Variants in CUX1 observed in about 807,000 individuals in gnomAD.
CUX1 encodes the protein cut like homeobox 1.
A neutral mutation model predicts 158.8 loss-of-function variants in CUX1; 31 were observed. The observed-to-expected ratio is 0.20, with a 90% CI of 0.15 to 0.26. The LOEUF is 0.26. CUX1 is among the 10% of genes least tolerant of loss of function. The pLI, the probability that CUX1 is intolerant of heterozygous loss-of-function variation, is 1.00. For synonymous variants in CUX1, 879 were observed against 862.1 expected, an observed-to-expected ratio of 1.02 and a Z score of -0.34; for missense variants, 1,589 against 2,014.6, an observed-to-expected ratio of 0.79 and a Z score of 4.04.
rs145280864 is a variant in CUX1 at position 101,900,868 on chromosome 7, G to A, written c.31-15247G>A. Among the ~76,000 whole-genome samples the A allele has an allele frequency of 2.0e-3, 300 of 152,244 alleles. 2 individuals are homozygous for A. The highest frequency in any genetic ancestry group is 7.1e-3 in the African/African-American group (293 of 41,542). On this transcript the variant is annotated intron_variant, in intron 1 of 23. Transcript: ENST00000292535. The stretch of plus-strand genomic sequence containing the variant: ...TTCTCTTAGGCACCACCTCCCATCC[G>A]AACCCCAGAGCATATGGGAAAAGGA...
At chr7:102,132,773 G>C (rs1554497751) in intron 8 of CUX1, among the ~76,000 whole-genome samples, 2 of 141,382 alleles carry the variant, frequency 1.4e-5, no homozygotes, top group Non-Finnish European at 3.0e-5. Flanking sequence ...CCAGGTTCAA[G>C]CGATTCTCCT....
intron 5 of CUX1, among the ~76,000 whole-genome samples, chr7:102,102,217 C>T (rs1554486686): frequency 1.3e-5 from 2 of 148,688 alleles, no homozygotes; most frequent in African/African-American, 5.1e-5. Flanking sequence ...ACGGAAAGCA[C>T]TCTGGGACAC....
rs782162970 is a variant in CUX1 at position 102,201,388 on chromosome 7, C to G, written c.2091C>G (p.Ser697=). 2 of 1,613,848 alleles carry G rather than the reference C, an allele frequency of 1.2e-6. No individual in the cohort carries two copies. The highest frequency in any genetic ancestry group is 1.3e-5 in the African/African-American group (1 of 75,048). The change falls in exon 18 of 24, where the codon TCC becomes TCG. Residue 697 remains serine, a synonymous_variant. Transcript: ENST00000292535. The surrounding 1 kb of genome is among the most constrained non-coding windows in gnomAD (Gnocchi z 5.0). ...AGCCGGCCCAGCCTTCCTCCGCATCCGGCAGCGGGAACTCTGATGACGCCA... is the reference window on the plus strand; with the variant it reads ...AGCCGGCCCAGCCTTCCTCCGCATCGGGCAGCGGGAACTCTGATGACGCCA... ...TAEPAQPSSA[S]GSGNSDDAIR...
chr7:102,027,160 G>A (rs913338141), intron 2 of CUX1, among the ~76,000 whole-genome samples: 5 of 151,642 alleles, frequency 3.3e-5, no homozygotes, highest in South Asian at 2.1e-4. Context: ...GAAGGTGGGC[G>A]GATCACCTGA....
chr7:101,928,104 A>G (rs1805828967), intron 2 of CUX1, among the ~76,000 whole-genome samples: 1 of 152,204 alleles, frequency 6.6e-6, no homozygotes, highest in African/African-American at 2.4e-5. Flanking sequence ...ATAACTGTCA[A>G]AAGGGAAGCA....
rs1475046722 is a variant in CUX1 at position 102,255,548 on chromosome 7, GTC to G, written c.*6508_*6509del. On this transcript the variant is annotated 3_prime_UTR_variant, in exon 24 of 24. Coordinates refer to ENST00000292535, the MANE Select transcript of CUX1 (RefSeq NM_181552.4). ...ACCCGATAATGTTAAGAAAGCATTA[GTC>G]TACGTTACTGTAATTTCTGTAGTGT... 7 of 985,268 alleles carry G rather than the reference GTC, an allele frequency of 7.1e-6. No homozygotes were observed. The Admixed American group carries it at 2.5e-4, about 35-fold the overall frequency. 61.0% of individuals were successfully genotyped at this position (985,268 alleles called of 1,614,324 possible). A position where few individuals can be genotyped will look rare whatever the true frequency, so the allele number is the denominator to read the frequency against.
intron 15 of CUX1, chr7:102,274,153 C>T (rs1791425472): frequency 1.5e-6 from 2 of 1,319,876 alleles, no homozygotes; most frequent in African/African-American, 1.4e-5. Context: ...CTTGCCACAC[C>T]CACCCTGCCA....
intron 8 of CUX1, among the ~76,000 whole-genome samples, chr7:102,134,659 G>A (rs1380613600): frequency 1.2e-4 from 18 of 152,254 alleles, no homozygotes; most frequent in African/African-American, 2.9e-4. Flanking sequence ...ATGCAGTGGC[G>A]CAATCACGAC....
At chr7:102,180,433 T>C (rs1792909303) in intron 11 of CUX1, among the ~76,000 whole-genome samples, 1 of 148,990 alleles carries the variant, frequency 6.7e-6, no homozygotes, top group African/African-American at 2.5e-5. Flanking sequence ...TCTCCTTGCC[T>C]CAGCCTCCCA....
chr7:102,224,407 A>G (rs1184952041), intron 20 of CUX1, among the ~76,000 whole-genome samples: 1 of 152,034 alleles, frequency 6.6e-6, no homozygotes, highest in Non-Finnish European at 1.5e-5. Context: ...GGGTTTCACC[A>G]CGTTGGCCAG....
At chr7:102,082,028 A>G (rs1242565244) in intron 4 of CUX1, among the ~76,000 whole-genome samples, 5 of 146,658 alleles carry the variant, frequency 3.4e-5, no homozygotes, top group African/African-American at 1.2e-4. Flanking sequence ...CCAGGCTGTC[A>G]GTAAGTCCTA....
intron 15 of CUX1, among the ~76,000 whole-genome samples, 160 bp downstream of exon 15, chr7:102,197,465 GC>G (rs1304677600): frequency 2.6e-5 from 4 of 152,226 alleles, no homozygotes; most frequent in African/African-American, 9.6e-5. Context: ...CTCAAGGGTG[GC>G]CCGGCATGAG....
Position 101,873,151 on chromosome 7 carries a change from G to A in CUX1, c.31-42964G>A, listed in dbSNP as rs189742716. Among the ~76,000 whole-genome samples, 101 of 149,508 alleles carry A rather than the reference G, an allele frequency of 6.8e-4. No homozygotes were observed. The East Asian group carries it at 0.015, about 22-fold the overall frequency. On this transcript the variant is annotated intron_variant, in intron 1 of 23. Transcript: ENST00000292535. ...CTCCCAAAGTGCTAGGATTACAGGC[G>A]TGAGCCACCGCGCCTGGCCTCAGCT...
At position 102,254,644 on chromosome 7, in the gene CUX1, G is replaced by A. The variant is rs73712443; in HGVS notation, c.*5602G>A. The A allele has an allele frequency of 2.0e-6, 2 of 985,466 alleles. No homozygotes were observed. Among genetic ancestry groups the A allele is most frequent in the African/African-American group, 3.5e-5 (2 of 57,366 alleles). The allele number at this position is 985,466 out of a possible 1,614,324, so 61.0% of individuals were successfully genotyped here. ...GCATCCTGTGCTTGGGCATTGACCA[G>A]CCAAAGCTCACATTTAGAAAGCCCT... On this transcript the variant is annotated 3_prime_UTR_variant, in exon 24 of 24. Coordinates refer to ENST00000292535, the MANE Select transcript of CUX1 (RefSeq NM_181552.4).
intron 1 of CUX1, among the ~76,000 whole-genome samples, chr7:101,873,636 T>G (rs1798820420): frequency 6.6e-6 from 1 of 152,144 alleles, no homozygotes; most frequent in South Asian, 2.1e-4. Flanking sequence ...TGAGACAGAG[T>G]GCAGTGGCAC....
intron 8 of CUX1, among the ~76,000 whole-genome samples, chr7:102,122,396 T>C (rs1239718612): frequency 1.7e-4 from 26 of 152,164 alleles, no homozygotes; most frequent in Non-Finnish European, 1.0e-4. Context: ...CCTTTTTTTT[T>C]TTTCTTCCTG....
chr7:101,933,855 TTAGAAAA>T (rs1806577757), intron 2 of CUX1, among the ~76,000 whole-genome samples: 2 of 152,208 alleles, frequency 1.3e-5, no homozygotes, highest in African/African-American at 4.8e-5. Flanking sequence ...TAGCCCTAAT[TTAGAAAA>T]ACTTGTAGCG....
rs1738761293 is a variant in CUX1, at chr7:102,002,963, A to C, written c.142-25135A>C. ...GTCACCCAGGCTGGAGTGCAATGGCACAATCTCGGCTCACTGCAACCTCCA... is the reference window on the plus strand; with the variant it reads ...GTCACCCAGGCTGGAGTGCAATGGCCCAATCTCGGCTCACTGCAACCTCCA... On this transcript the variant is annotated intron_variant, in intron 2 of 23. Coordinates refer to ENST00000292535, the MANE Select transcript of CUX1 (RefSeq NM_181552.4). Among the ~76,000 whole-genome samples, 4 of 151,830 alleles carry C rather than the reference A, an allele frequency of 2.6e-5. No homozygotes were observed. The South Asian group carries it at 8.3e-4, about 32-fold the overall frequency.
chr7:101,917,551 G>C (rs1804361429), intron 2 of CUX1, among the ~76,000 whole-genome samples: 2 of 152,236 alleles, frequency 1.3e-5, no homozygotes, highest in South Asian at 4.1e-4. Flanking sequence ...GTTGGGGAGT[G>C]GGGGGCCCTA....
Sources: gnomAD v4.1 joint callset for allele counts (sites outside exome capture counted in the v4.1 genomes callset) on GRCh38, gnomAD v4.1.1 for gene constraint, Gnocchi (gnomAD v3.1) non-coding constraint, MANE v1.5 for transcripts, NCBI Gene and HGNC (gene_info 2026-07-23, HGNC 2026-07-21) for gene names.